Variants in CA10 observed in about 807,000 individuals in gnomAD.
CA10 encodes the protein carbonic anhydrase-related protein 10.
In CA10, 14 loss-of-function variants were observed where a neutral mutation model predicts 44.2. The observed-to-expected ratio is 0.32, with a 90% CI of 0.21 to 0.50. The LOEUF is 0.50. CA10 is among the 20% of genes least tolerant of loss of function. CA10 has a pLI of 0.99. For synonymous variants in CA10, 159 were observed against 141.6 expected (o/e 1.12, Z -0.87); for missense variants, 350 against 409.7 (o/e 0.85, Z 1.26).
In CA10 at chr17:51,831,733, A is replaced by AGCAGCAGC. The variant is rs1567854687; in HGVS notation, c.280-83916_280-83915insGCTGCTGC. On this transcript the variant is annotated intron_variant, in intron 3 of 8. Coordinates refer to ENST00000451037, the MANE Select transcript of CA10 (RefSeq NM_020178.5). ...GCAGCAGCAGCAGCAGCAGCAGCAGAAAAAGACCTTCCTTCCACCTTATTT... is the reference window on the plus strand; with the variant it reads ...GCAGCAGCAGCAGCAGCAGCAGCAGAGCAGCAGCAAAAGACCTTCCTTCCACCTTATTT... Among the ~76,000 whole-genome samples the AGCAGCAGC allele has an allele frequency of 1.0e-3, 126 of 121,574 alleles. 16 individuals are homozygous for AGCAGCAGC. The highest frequency in any genetic ancestry group is 4.2e-3 in the Middle Eastern group (1 of 238). 79.8% of individuals were successfully genotyped at this position (121,574 alleles called of 152,430 possible).
At chr17:51,926,840 T>A (rs1222596041) in intron 3 of CA10, among the ~76,000 whole-genome samples, 12 of 152,208 alleles carry the variant, frequency 7.9e-5, no homozygotes, top group Non-Finnish European at 1.8e-4. Flanking sequence ...AAGTGACACA[T>A]TTAGAAGTCC....
chr17:51,733,738 A>T (rs1916799237), intron 4 of CA10, among the ~76,000 whole-genome samples: 1 of 152,152 alleles, frequency 6.6e-6, no homozygotes, highest in Non-Finnish European at 1.5e-5. Flanking sequence ...GAGGAGTTGG[A>T]GGTGACAGAA....
intron 1 of CA10, among the ~76,000 whole-genome samples, chr17:52,080,335 C>A (rs1987936900): frequency 6.6e-6 from 1 of 151,896 alleles, no homozygotes; most frequent in Admixed American, 6.6e-5. Context: ...GCCTGTAGTC[C>A]CAGCTACTCG....
intron 2 of CA10, among the ~76,000 whole-genome samples, chr17:52,014,761 A>T (rs1337886558): frequency 4.6e-5 from 7 of 152,040 alleles, no homozygotes. Flanking sequence ...TAGGCAAATA[A>T]TATAAACTAA....
At chr17:51,872,118 A>G (rs1979845767) in intron 3 of CA10, among the ~76,000 whole-genome samples, 1 of 152,196 alleles carries the variant, frequency 6.6e-6, no homozygotes, top group Non-Finnish European at 1.5e-5. Context: ...CAGAGAGCAG[A>G]AAGGCAGTGG....
At chr17:51,789,412 A>G (rs765984758) in intron 3 of CA10, among the ~76,000 whole-genome samples, 1 of 152,212 alleles carries the variant, frequency 6.6e-6, no homozygotes, top group Non-Finnish European at 1.5e-5. Context: ...TTATAGCTGC[A>G]GCTTATAGAT....
chr17:52,098,703 C>A (rs888657132), intron 1 of CA10, among the ~76,000 whole-genome samples: 1 of 152,130 alleles, frequency 6.6e-6, no homozygotes, highest in Non-Finnish European at 1.5e-5. Context: ...TCGGGAGGGG[C>A]CTGTGATACC....
chr17:52,155,008 C>A (rs1466455059), intron 1 of CA10, among the ~76,000 whole-genome samples: 1 of 152,174 alleles, frequency 6.6e-6, no homozygotes, highest in Non-Finnish European at 1.5e-5. Flanking sequence ...TACAAAGCGC[C>A]AATGTTTTCC....
chr17:52,052,630 T>C (rs932477934), intron 2 of CA10, among the ~76,000 whole-genome samples: 1 of 152,016 alleles, frequency 6.6e-6, no homozygotes, highest in African/African-American at 2.4e-5. Context: ...AGGATCAGAT[T>C]TAATAAAATA....
intron 2 of CA10, among the ~76,000 whole-genome samples, chr17:52,051,111 G>GAAGGA (rs141666932): frequency 3.6e-4 from 53 of 146,998 alleles, no homozygotes; most frequent in Non-Finnish European, 4.6e-4. Flanking sequence ...AAGGAAGGAA[G>GAAGGA]AAGAAAAGAA....
chr17:52,075,034 T>G (rs1987781855), intron 1 of CA10, among the ~76,000 whole-genome samples: 1 of 152,202 alleles, frequency 6.6e-6, no homozygotes, highest in African/African-American at 2.4e-5. Flanking sequence ...GGAATAGTTA[T>G]GACAGAGACC....
At chr17:52,099,197 G>C (rs1988478547) in intron 1 of CA10, among the ~76,000 whole-genome samples, 1 of 152,118 alleles carries the variant, frequency 6.6e-6, no homozygotes, top group South Asian at 2.1e-4. Flanking sequence ...GATGGTACTA[G>C]AATTTGAAGC....
At chr17:51,944,832 G>T (rs543181731) in intron 2 of CA10, among the ~76,000 whole-genome samples, 3 of 152,198 alleles carry the variant, frequency 2.0e-5, no homozygotes, top group South Asian at 4.2e-4. Flanking sequence ...CTGCTTATTT[G>T]GGCCAGATTT....
chr17:52,076,125 C>A (rs2143152619), intron 1 of CA10, among the ~76,000 whole-genome samples: 1 of 152,246 alleles, frequency 6.6e-6, no homozygotes, highest in Non-Finnish European at 1.5e-5. Context: ...CCTAGTCCCT[C>A]TTTTTATCTC....
At chr17:51,648,867 C>T (rs1310894635) in intron 6 of CA10, among the ~76,000 whole-genome samples, 1 of 152,198 alleles carries the variant, frequency 6.6e-6, no homozygotes, top group African/African-American at 2.4e-5. Flanking sequence ...AAAGCCCCAA[C>T]TGTGACCAGC....
chr17:52,149,034 T>C (rs1002494196), intron 1 of CA10, among the ~76,000 whole-genome samples: 1 of 152,240 alleles, frequency 6.6e-6, no homozygotes, highest in Non-Finnish European at 1.5e-5. Flanking sequence ...CCCTCAATAA[T>C]TGCAGCTATC....
chr17:52,112,427 T>C (rs1291070244), intron 1 of CA10, among the ~76,000 whole-genome samples: 2 of 152,190 alleles, frequency 1.3e-5, no homozygotes. Flanking sequence ...ATGCTTCTTT[T>C]AGGATAACAA....
intron 7 of CA10, among the ~76,000 whole-genome samples, chr17:51,634,499 T>C (rs1164962622): frequency 1.3e-5 from 2 of 152,128 alleles, no homozygotes; most frequent in Admixed American, 6.5e-5. Flanking sequence ...CCCACAGTCG[T>C]AGAATGTCAG....
At chr17:52,039,430 G>T (rs1365832500) in intron 2 of CA10, among the ~76,000 whole-genome samples, 1 of 151,972 alleles carries the variant, frequency 6.6e-6, no homozygotes, top group Non-Finnish European at 1.5e-5. Context: ...AAGTTACATT[G>T]ATTTTTTTTA....
Sources: gnomAD v4.1 joint callset for allele counts (sites outside exome capture counted in the v4.1 genomes callset) on GRCh38, gnomAD v4.1.1 for gene constraint, MANE v1.5 for transcripts, NCBI Gene and HGNC (gene_info 2026-07-23, HGNC 2026-07-21) for gene names.